The following EYA1 variants were observed in gnomAD, a reference collection of about 807,000 sequenced individuals.
The protein encoded by EYA1 is protein phosphatase EYA1.
Under a neutral mutation model 82.0 loss-of-function variants are expected in EYA1, and 16 were observed. The ratio of observed to expected loss-of-function variants is 0.20; its 90% CI spans 0.13 to 0.30. EYA1 has a LOEUF of 0.30. Among genes scored for constraint, EYA1 ranks in the 10% least tolerant of loss-of-function variants. The probability of loss-of-function intolerance (pLI) is 1.00; values close to 1 mark genes in which losing one functional copy is unlikely to be tolerated. For missense variants in EYA1, 633 were observed against 730.7 expected (o/e 0.87, Z 1.54); for synonymous variants, 261 against 264.4 (o/e 0.99, Z 0.12).
At chr8:71,330,272 T>A (rs1002006796) in intron 4 of EYA1, among the ~76,000 whole-genome samples, 1 of 152,210 alleles carries the variant, frequency 6.6e-6, no homozygotes, top group Non-Finnish European at 1.5e-5. Context: ...CACCACTTCA[T>A]ATTGCATCTT....
intron 2 of EYA1, among the ~76,000 whole-genome samples, chr8:71,510,490 C>T (rs1434195862): frequency 6.6e-6 from 1 of 152,132 alleles, no homozygotes; most frequent in African/African-American, 2.4e-5. Context: ...GCCAGAGAGG[C>T]CTCAGGAAAC....
chr8:71,536,205 T>C (rs1486537550), intron 1 of EYA1, among the ~76,000 whole-genome samples: 2 of 152,174 alleles, frequency 1.3e-5, no homozygotes, highest in African/African-American at 2.4e-5. Context: ...TTTTTGAATT[T>C]AGTTTCTCCG....
At chr8:71,370,686 A>T (rs553772090) in intron 2 of EYA1, among the ~76,000 whole-genome samples, 4 of 152,064 alleles carry the variant, frequency 2.6e-5, no homozygotes, top group African/African-American at 9.7e-5. Flanking sequence ...CAGTGATGCA[A>T]TCATGGCTCC....
chr8:71,482,632 C>G (rs1047499241), intron 2 of EYA1, among the ~76,000 whole-genome samples: 2 of 152,086 alleles, frequency 1.3e-5, no homozygotes, highest in Admixed American at 6.6e-5. Flanking sequence ...AAAATGAAAT[C>G]ATCAAATGTT....
intron 11 of EYA1, among the ~76,000 whole-genome samples, chr8:71,251,029 G>C (rs550352079): frequency 1.2e-4 from 19 of 152,262 alleles, no homozygotes; most frequent in African/African-American, 4.6e-4. Context: ...AACATTAAAC[G>C]TGTTCACTAG....
At chr8:71,408,257 G>A (rs1258688633) in intron 2 of EYA1, among the ~76,000 whole-genome samples, 18 of 151,946 alleles carry the variant, frequency 1.2e-4, no homozygotes, top group Admixed American at 2.6e-4. Flanking sequence ...GGTACCAGCC[G>A]CTGCAAAATC....
intron 12 of EYA1, among the ~76,000 whole-genome samples, chr8:71,222,021 G>A (rs186988301): frequency 7.9e-5 from 12 of 152,288 alleles, no homozygotes; most frequent in South Asian, 2.1e-4. Context: ...GTTAAACACC[G>A]CACTTGACCA....
chr8:71,355,001 T>G (rs1179872206), intron 2 of EYA1, 92 bp from the exon 3 acceptor site: 2 of 1,295,716 alleles, frequency 1.5e-6, no homozygotes, highest in South Asian at 2.4e-5. Context: ...TGAAACACAC[T>G]TGCACAAAAG....
intron 1 of EYA1, among the ~76,000 whole-genome samples, chr8:71,357,751 C>G (rs150101209): frequency 6.6e-6 from 1 of 152,034 alleles, no homozygotes; most frequent in Non-Finnish European, 1.5e-5. Flanking sequence ...TATAATGTTA[C>G]GTAAAATTTC....
intron 3 of EYA1, among the ~76,000 whole-genome samples, chr8:71,343,886 T>G (rs1225196720): frequency 6.6e-6 from 1 of 152,162 alleles, no homozygotes; most frequent in Non-Finnish European, 1.5e-5. Context: ...TCCTTTTTTC[T>G]CCAATATTAT....
At chr8:71,503,119 C>G (rs1356777635) in intron 2 of EYA1, among the ~76,000 whole-genome samples, 3 of 152,060 alleles carry the variant, frequency 2.0e-5, no homozygotes, top group African/African-American at 7.2e-5. Flanking sequence ...AGCACAGGTC[C>G]TGACTTACAG....
chr8:71,330,926 T>C (rs1372071744), intron 4 of EYA1, among the ~76,000 whole-genome samples: 1 of 152,012 alleles, frequency 6.6e-6, no homozygotes, highest in Non-Finnish European at 1.5e-5. Context: ...GTGTATGATG[T>C]CTTTTTACTT....
intron 17 of EYA1, among the ~76,000 whole-genome samples, chr8:71,210,088 C>G (rs1012787175): frequency 2.6e-5 from 4 of 152,082 alleles, no homozygotes; most frequent in South Asian, 2.1e-4. Flanking sequence ...CATTTATAGA[C>G]AAGGAAAGGG....
At chr8:71,309,362 CAA>C (rs3086592) in intron 7 of EYA1, among the ~76,000 whole-genome samples, 11,716 of 146,522 alleles carry the variant, frequency 0.08, 709 homozygotes, top group East Asian at 0.32. Context: ...TCAATTTAAG[CAA>C]AAAAAAAAAA....
At chr8:71,424,982 C>T (rs542288099) in intron 2 of EYA1, among the ~76,000 whole-genome samples, 13 of 151,774 alleles carry the variant, frequency 8.6e-5, no homozygotes, top group Admixed American at 2.6e-4. Flanking sequence ...CATTTTAGGC[C>T]GGGCGCGGTG....
intron 11 of EYA1, among the ~76,000 whole-genome samples, chr8:71,263,598 T>C (rs1815403545): frequency 6.6e-6 from 1 of 152,204 alleles, no homozygotes; most frequent in African/African-American, 2.4e-5. Flanking sequence ...ACATTGTTGC[T>C]GTCATTGAAT....
At chr8:71,350,654 C>T (rs1826213003) in intron 3 of EYA1, among the ~76,000 whole-genome samples, 1 of 151,970 alleles carries the variant, frequency 6.6e-6, no homozygotes, top group South Asian at 2.1e-4. Flanking sequence ...CAAGTTTAAG[C>T]TTCTTCTTGA....
intron 2 of EYA1, among the ~76,000 whole-genome samples, chr8:71,390,662 G>A (rs1586611907): frequency 2.0e-5 from 3 of 151,978 alleles, no homozygotes; most frequent in African/African-American, 7.3e-5. Context: ...AAAACTATAG[G>A]AATTATTCTT....
intron 4 of EYA1, among the ~76,000 whole-genome samples, chr8:71,331,896 GA>G (rs1283361964): frequency 6.6e-6 from 1 of 152,190 alleles, no homozygotes; most frequent in Admixed American, 6.5e-5. Context: ...TGCCCAGGCT[GA>G]AGTGCAGTGG....
Sources: gnomAD v4.1 joint callset for allele counts (sites outside exome capture counted in the v4.1 genomes callset) on GRCh38, gnomAD v4.1.1 for gene constraint, MANE v1.5 for transcripts, NCBI Gene and HGNC (gene_info 2026-07-23, HGNC 2026-07-21) for gene names.